The following TBC1D31 variants were observed in gnomAD, a reference collection of about 807,000 sequenced individuals.
TBC1D31 encodes TBC1 domain family member 31.
In TBC1D31, 99 loss-of-function variants were observed where a neutral mutation model predicts 132.9. That is an observed-to-expected ratio of 0.74 (90% CI 0.63 to 0.88). TBC1D31 has a LOEUF of 0.88. Ranked by LOEUF, TBC1D31 falls within the 40% of genes least tolerant of loss-of-function variation. The probability of loss-of-function intolerance (pLI) is 0.00; values close to 1 mark genes in which losing one functional copy is unlikely to be tolerated. For missense variants in TBC1D31, 1,134 were observed against 1,256.6 expected (o/e 0.90, Z 1.48); for synonymous variants, 385 against 419.4 (o/e 0.92, Z 1.00).
At chr8:123,088,038 G>T (rs1448083552) in intron 4 of TBC1D31, among the ~76,000 whole-genome samples, 2 of 152,056 alleles carry the variant, frequency 1.3e-5, no homozygotes, top group African/African-American at 4.8e-5. Flanking sequence ...AAAATACAAA[G>T]ATTAGCTGGG....
At position 123,091,320 on chromosome 8, in the gene TBC1D31, T is replaced by C. The variant is rs1478152972; in HGVS notation, c.520-2271T>C. On this transcript the variant is annotated intron_variant, in intron 4 of 21. Transcript: ENST00000287380. ...AGTTGATGCTCATTAACTTTTAAGC[T>C]TCTGCTTTTCCCAGTAGGAATAAAC... 2.6e-5 allele frequency among the ~76,000 whole-genome samples: 4 copies of C among 152,344 alleles called. No homozygotes were observed. The East Asian group carries it at 5.8e-4, about 22-fold the overall frequency.
chr8:123,131,521 T>C (rs1820629005), intron 16 of TBC1D31, among the ~76,000 whole-genome samples: 1 of 152,204 alleles, frequency 6.6e-6, no homozygotes, highest in Non-Finnish European at 1.5e-5. Context: ...AAATTTCATA[T>C]GCTGAATATC....
At chr8:123,116,394 G>A (rs766062304) in intron 10 of TBC1D31, among the ~76,000 whole-genome samples, 1 of 152,122 alleles carries the variant, frequency 6.6e-6, no homozygotes, top group South Asian at 2.1e-4. Flanking sequence ...GCCACTTTTT[G>A]TATACAAATA....
At chr8:123,123,571 G>C (rs1819701183) in intron 11 of TBC1D31, 1 of 152,860 alleles carries the variant, frequency 6.5e-6, no homozygotes, top group African/African-American at 2.4e-5. Flanking sequence ...ATGTAAAAAG[G>C]ATATTGCTGC....
intron 1 of TBC1D31, among the ~76,000 whole-genome samples, chr8:123,076,338 ATGTG>A (rs71310650): frequency 0.018 from 2,662 of 149,322 alleles, 30 homozygotes; most frequent in African/African-American, 0.039. Flanking sequence ...AATTGTGTGT[ATGTG>A]TGTGTGTGTG....
chr8:123,110,195 C>T lies in TBC1D31; in HGVS notation c.1436+575C>T, dbSNP rs1316221890. ...ACCACTTAATGATTGTGATGTAAGA[C>T]GTGTTATTTTACTTCTTAGCCTTAA... On this transcript the variant is annotated intron_variant, in intron 10 of 21. Coordinates refer to ENST00000287380, the MANE Select transcript of TBC1D31 (RefSeq NM_145647.4). 2.6e-5 allele frequency among the ~76,000 whole-genome samples: 4 copies of T among 152,150 alleles called. No individual in the cohort carries two copies. In the East Asian group the frequency reaches 5.8e-4, roughly 22 times the overall value.
intron 10 of TBC1D31, among the ~76,000 whole-genome samples, chr8:123,114,680 T>G (rs1203733693): frequency 2.0e-5 from 3 of 152,186 alleles, no homozygotes; most frequent in Non-Finnish European, 4.4e-5. Context: ...ACAAAAAGAA[T>G]ATTCCTTCTT....
At chr8:123,162,935 C>T in the TBC1D31 span, among the ~76,000 whole-genome samples, 2 of 151,994 alleles carry the variant, frequency 1.3e-5, no homozygotes, top group South Asian at 2.1e-4. Context: ...CAGATTCAAG[C>T]GATTCTCCTG....
intron 10 of TBC1D31, among the ~76,000 whole-genome samples, chr8:123,110,902 T>C (rs898735415): frequency 6.6e-6 from 1 of 152,234 alleles, no homozygotes; most frequent in Non-Finnish European, 1.5e-5. Context: ...CTGAGATTAA[T>C]CTATAGACTC....
In TBC1D31 at chr8:123,073,437, T is replaced by C. The variant is rs1235801598; in HGVS notation, c.77+591T>C. ...TGGAGTTTACATATCGGCGTGTATG[T>C]AGGGGCTGGGGCGTTCATTATGCAT... On this transcript the variant is annotated intron_variant, in intron 1 of 21. Transcript: ENST00000287380. 4 of 455,920 alleles carry C rather than the reference T, an allele frequency of 8.8e-6. No individual in the cohort carries two copies. The Admixed American group carries it at 9.4e-5, about 11-fold the overall frequency. 28.2% of individuals were successfully genotyped at this position (455,920 alleles called of 1,614,324 possible).
chr8:123,144,912 G>T, intron 20 of TBC1D31, 57 bp downstream of exon 20: 10 of 1,506,668 alleles, frequency 6.6e-6, no homozygotes, highest in Non-Finnish European at 8.9e-6. Context: ...CTTTTAGTAG[G>T]GTCTATTATT....
chr8:123,093,841 A>G (rs1053635740), intron 5 of TBC1D31, 99 bp downstream of exon 5: 3 of 881,682 alleles, frequency 3.4e-6, no homozygotes, highest in African/African-American at 3.4e-5. Flanking sequence ...TCTTTTTGTC[A>G]TATTAGAAAA....
rs1554604602 is a variant in TBC1D31 at position 123,084,335 on chromosome 8, C to T, written c.514C>T (p.Gln172Ter). The change falls in exon 4 of 22, where the codon CAG (glutamine) becomes TAG (stop). Residue 172 changes from glutamine to a stop codon, truncating the protein, a stop_gained. Transcript: ENST00000287380. LOFTEE classifies it high-confidence loss of function. Reference sequence around the variant, plus strand: ...GAATATTCGCCAGTCTGTGGGTATACAGAAGGTCAGTGAGGGGGTACATCT... The same window carrying T: ...GAATATTCGCCAGTCTGTGGGTATATAGAAGGTCAGTGAGGGGGTACATCT... ...KLNIRQSVGIQKVFFLPLSNT... is the reference protein window; with the variant it reads ...KLNIRQSVGI The T allele has an allele frequency of 3.1e-6, 5 of 1,613,882 alleles. No homozygotes were observed. Among genetic ancestry groups the T allele is most frequent in the Non-Finnish European group, 4.2e-6 (5 of 1,179,848 alleles).
intron 6 of TBC1D31, among the ~76,000 whole-genome samples, chr8:123,100,164 T>G (rs1175381347): frequency 2.0e-5 from 3 of 152,150 alleles, no homozygotes; most frequent in African/African-American, 7.2e-5. Context: ...GATCTGCCTG[T>G]GGGAAGGGAA....
At chr8:123,075,790 G>T (rs1232808654) in intron 1 of TBC1D31, among the ~76,000 whole-genome samples, 1 of 152,032 alleles carries the variant, frequency 6.6e-6, no homozygotes, top group Non-Finnish European at 1.5e-5. Flanking sequence ...TTGCAATAAA[G>T]AATGGGATTA....
the TBC1D31 span, among the ~76,000 whole-genome samples, chr8:123,159,268 G>GAAAA: frequency 1.1e-5 from 1 of 93,930 alleles, no homozygotes. Context: ...ATTTGAACAG[G>GAAAA]AAAAAAAAAA....
chr8:123,114,223 A>C (rs761826411), intron 10 of TBC1D31, among the ~76,000 whole-genome samples: 5 of 152,250 alleles, frequency 3.3e-5, no homozygotes, highest in Non-Finnish European at 7.3e-5. Flanking sequence ...GCCAGGCGAC[A>C]GGCTCATGGG....
intron 20 of TBC1D31, among the ~76,000 whole-genome samples, chr8:123,146,457 A>G (rs1822219092): frequency 6.6e-6 from 1 of 152,156 alleles, no homozygotes. Context: ...TACTTGGCAT[A>G]ATGTCTTGAG....
chr8:123,119,188 G>A (rs1415450816), intron 10 of TBC1D31, among the ~76,000 whole-genome samples: 1 of 152,068 alleles, frequency 6.6e-6, no homozygotes, highest in Admixed American at 6.5e-5. Flanking sequence ...ATCCCTTTAC[G>A]CGAGTCATAG....
Sources: gnomAD v4.1 joint callset for allele counts (sites outside exome capture counted in the v4.1 genomes callset) on GRCh38, gnomAD v4.1.1 for gene constraint, MANE v1.5 for transcripts, NCBI Gene and HGNC (gene_info 2026-07-23, HGNC 2026-07-21) for gene names.